SORL1: variants seen among roughly 807,000 people sequenced by gnomAD.
SORL1 encodes the protein sortilin related receptor 1.
In SORL1, 127 loss-of-function variants were observed where a neutral mutation model predicts 273.7. The observed-to-expected ratio is 0.46, with a 90% CI of 0.40 to 0.54. The LOEUF is 0.54. Among genes scored for constraint, SORL1 ranks in the 20% least tolerant of loss-of-function variants. The pLI is 0.00. For synonymous variants in SORL1, 1,031 were observed against 1,067.4 expected (o/e 0.97, Z 0.66); for missense variants, 2,494 against 2,846.1 (o/e 0.88, Z 2.81).
chr11:121,472,874 C>T (rs763234663), intron 2 of SORL1, among the ~76,000 whole-genome samples: 7 of 151,618 alleles, frequency 4.6e-5, no homozygotes, highest in African/African-American at 7.3e-5. Flanking sequence ...GCAAGAGAAT[C>T]GCTTGAACCC....
chr11:121,526,252 C>G (rs1310167011), intron 11 of SORL1, among the ~76,000 whole-genome samples: 1 of 152,010 alleles, frequency 6.6e-6, no homozygotes, highest in Non-Finnish European at 1.5e-5. Flanking sequence ...GTTTGAAAAT[C>G]AATTGGCCAT....
intron 1 of SORL1, among the ~76,000 whole-genome samples, chr11:121,465,459 G>A (rs1479885172): frequency 6.6e-6 from 1 of 151,994 alleles, no homozygotes; most frequent in Non-Finnish European, 1.5e-5. Flanking sequence ...CTGCCAGGAG[G>A]CAGGGGAATC....
chr11:121,521,803 A>G lies in SORL1; in HGVS notation c.1405-783A>G, dbSNP rs1591310442. On this transcript the variant is annotated intron_variant, in intron 9 of 47. Coordinates refer to ENST00000260197, the MANE Select transcript of SORL1 (RefSeq NM_003105.6). Reference sequence around the variant, plus strand: ...GACAAAAATAAGTAGCAAATAATCCAGCAAACCTTGCTACCATTTTTACCT... The same window carrying G: ...GACAAAAATAAGTAGCAAATAATCCGGCAAACCTTGCTACCATTTTTACCT... Among the ~76,000 whole-genome samples, 3 of 152,352 alleles carry G rather than the reference A, an allele frequency of 2.0e-5. No homozygotes were observed. In the South Asian group the frequency reaches 6.2e-4, roughly 32 times the overall value.
chr11:121,491,717 AG>A (rs1285212131), intron 5 of SORL1, among the ~76,000 whole-genome samples: 1 of 152,226 alleles, frequency 6.6e-6, no homozygotes, highest in Non-Finnish European at 1.5e-5. Context: ...TTCTAGTGCC[AG>A]CCTCCAGTGT....
intron 21 of SORL1, among the ~76,000 whole-genome samples, chr11:121,560,675 T>C (rs1229973558): frequency 6.6e-6 from 1 of 152,222 alleles, no homozygotes; most frequent in Non-Finnish European, 1.5e-5. Context: ...AATACTGTTA[T>C]AGATATCATT....
At position 121,462,574 on chromosome 11, in the gene SORL1, G is replaced by A. The variant is rs77066522; in HGVS notation, c.286-7433G>A. On this transcript the variant is annotated intron_variant, in intron 1 of 47. Transcript: ENST00000260197. ...GAGCTATGAGGCAGGACCTAGAATC[G>A]TGTTATTTTTCTTTCTTTTTTATTT... is the stretch of plus-strand genomic sequence containing the variant. Among the ~76,000 whole-genome samples the A allele has an allele frequency of 1.1e-4, 16 of 152,146 alleles. 1 individual carries two copies. The East Asian group carries it at 2.9e-3, about 28-fold the overall frequency.
At position 121,488,056 on chromosome 11, in the gene SORL1, C is replaced by G. The variant is rs1274219525; in HGVS notation, c.553C>G (p.Gln185Glu). 7 of 1,614,160 alleles carry G rather than the reference C, an allele frequency of 4.3e-6. No homozygotes were observed. Among genetic ancestry groups the G allele is most frequent in the Non-Finnish European group, 5.9e-6 (7 of 1,180,018 alleles). The change falls in exon 4 of 48, where the codon CAG (glutamine) becomes GAG (glutamate). Residue 185 changes from glutamine to glutamate, a missense_variant. Gln to Glu is a conservative substitution (Grantham distance 29). Coordinates refer to ENST00000260197, the MANE Select transcript of SORL1 (RefSeq NM_003105.6). ...KRYIFADAYA[Q>E]YLWITFDFCN... ...GTACATCTTTGCAGACGCTTATGCC[C>G]AGTACCTCTGGATCACGTTTGACTT...
At chr11:121,629,298 G>C (rs572548145) in intron 47 of SORL1, 198 bp from the exon 48 acceptor site, 16 of 523,224 alleles carry the variant, frequency 3.1e-5, no homozygotes, top group Middle Eastern at 4.6e-4. Context: ...AGGATCCATC[G>C]ATGGGTAGAA....
At chr11:121,622,936 T>C (rs914017403) in intron 45 of SORL1, among the ~76,000 whole-genome samples, 2 of 152,232 alleles carry the variant, frequency 1.3e-5, no homozygotes, top group African/African-American at 2.4e-5. Context: ...GAATCAACTA[T>C]GGCTACCTGG....
chr11:121,606,832 A>G lies in SORL1; in HGVS notation c.4949-13A>G, dbSNP rs2134925768. The stretch of plus-strand genomic sequence containing the variant: ...GCAGATGGGTTTTAACCTTGAGTTG[A>G]CTCTTTTTCTAGTGCCAGATGCCCC... On this transcript the variant is annotated splice_polypyrimidine_tract_variant and intron_variant, in intron 35 of 47. Transcript: ENST00000260197. 1 of 1,550,378 alleles carries G rather than the reference A, an allele frequency of 6.5e-7. No homozygotes were observed. Among genetic ancestry groups the G allele is most frequent in the South Asian group, 1.1e-5 (1 of 90,124 alleles).
intron 27 of SORL1, 145 bp downstream of exon 27, chr11:121,586,474 C>G (rs1413290909): frequency 3.0e-6 from 2 of 674,596 alleles, no homozygotes; most frequent in Non-Finnish European, 5.4e-6. Context: ...TTGGCTAGGA[C>G]TCCTGGAGGC....
intron 18 of SORL1, chr11:121,556,962 A>C: frequency 4.2e-6 from 1 of 237,898 alleles, no homozygotes. Context: ...TTGCCTTGGA[A>C]CGTGGAGTGA....
chr11:121,479,359 A>G (rs1320646017), intron 3 of SORL1, among the ~76,000 whole-genome samples: 1 of 152,198 alleles, frequency 6.6e-6, no homozygotes, highest in Non-Finnish European at 1.5e-5. Context: ...TTCTACGGAA[A>G]GACCCTTAGT....
chr11:121,605,318 T>A (rs1863452601), intron 34 of SORL1, 79 bp downstream of exon 34: 1 of 1,573,974 alleles, frequency 6.4e-7, no homozygotes, highest in South Asian at 1.2e-5. Context: ...TCTAGTGGCA[T>A]GCACCATGCT....
chr11:121,505,182 A>C lies in SORL1; in HGVS notation c.940-7821A>C, dbSNP rs899189773. Among the ~76,000 whole-genome samples the C allele has an allele frequency of 3.8e-4, 58 of 152,066 alleles. 1 individual carries two copies. The highest frequency in any genetic ancestry group is 1.3e-4 in the Non-Finnish European group (9 of 67,974). On this transcript the variant is annotated intron_variant, in intron 6 of 47. Transcript: ENST00000260197. ...AATTTCTCTTTGGTTCAGTTTCAGC[A>C]GTTTGTATCTTTCTAGTAATTTGTT... is the stretch of plus-strand genomic sequence containing the variant.
intron 1 of SORL1, among the ~76,000 whole-genome samples, chr11:121,453,568 G>C (rs1029533529): frequency 6.6e-5 from 10 of 152,098 alleles, no homozygotes; most frequent in Non-Finnish European, 2.9e-5. Context: ...AAATACACTT[G>C]TTTTCTAGAG....
intron 25 of SORL1, among the ~76,000 whole-genome samples, chr11:121,581,565 A>G (rs1003290843): frequency 7.9e-5 from 12 of 152,236 alleles, no homozygotes; most frequent in African/African-American, 2.9e-4. Context: ...AATATGTATT[A>G]AGCATGCAGT....
chr11:121,568,748 C>T (rs564976083), intron 22 of SORL1, among the ~76,000 whole-genome samples: 12 of 152,300 alleles, frequency 7.9e-5, no homozygotes, highest in East Asian at 3.9e-4. Flanking sequence ...TGTTGATGTA[C>T]TGTATTCACT....
chr11:121,495,190 C>T (rs1344952596), intron 5 of SORL1, among the ~76,000 whole-genome samples: 1 of 152,200 alleles, frequency 6.6e-6, no homozygotes, highest in African/African-American at 2.4e-5. Context: ...TTCAATCCAC[C>T]CACCTCAGCC....
Sources: gnomAD v4.1 joint callset for allele counts (sites outside exome capture counted in the v4.1 genomes callset) on GRCh38, gnomAD v4.1.1 for gene constraint, MANE v1.5 for transcripts, NCBI Gene and HGNC (gene_info 2026-07-23, HGNC 2026-07-21) for gene names.